Variants in FER1L5 observed in about 807,000 individuals in gnomAD.
FER1L5 encodes the protein fer-1-like protein 5.
FER1L5 carries 187 observed loss-of-function variants against 279.9 expected under a neutral mutation model. The ratio of observed to expected loss-of-function variants is 0.67; its 90% confidence interval spans 0.59 to 0.75. The LOEUF is 0.75. FER1L5 is among the 30% of genes least tolerant of loss of function. The pLI is 0.00. For synonymous variants in FER1L5, 921 were observed against 989.7 expected, an observed-to-expected ratio of 0.93 and a Z score of 1.30; for missense variants, 2,091 against 2,594.4, an observed-to-expected ratio of 0.81 and a Z score of 4.21.
intron 39 of FER1L5, 117 bp from the exon 40 acceptor site, chr2:96,697,920 G>A (rs2077443774): frequency 6.8e-6 from 10 of 1,469,452 alleles, no homozygotes; most frequent in Non-Finnish European, 8.2e-6. Flanking sequence ...ACACAGTGCT[G>A]GCCCCAGGGC....
At position 96,690,560 on chromosome 2, in the gene FER1L5, T is replaced by G; in HGVS notation, c.2714T>G (p.Val905Gly). 1 of 1,551,582 alleles carries G rather than the reference T, an allele frequency of 6.4e-7. No homozygotes were observed. The change falls in exon 27 of 53, where the codon GTG becomes GGG. Residue 905 changes from valine to glycine, a missense_variant. By Grantham distance (109) the Val-to-Gly change is moderately radical. Coordinates refer to ENST00000624922, the MANE Select transcript of FER1L5 (RefSeq NM_001293083.2). ...TGGCACTTTAAGAAGGACTGGGTGG[T>G]GGAGCTGAACCACGCAGTGGACAGT... Reference protein sequence around the residue: ...QGWHFKKDWVVELNHAVDSKG... With the variant: ...QGWHFKKDWVGELNHAVDSKG...
intron 5 of FER1L5, 108 bp from the exon 6 acceptor site, chr2:96,650,072 C>T (rs1296688086): frequency 2.3e-6 from 2 of 857,832 alleles, no homozygotes; most frequent in East Asian, 2.7e-5. Context: ...CTTGGCCATG[C>T]TTTTAGTCAG....
intron 17 of FER1L5, 148 bp downstream of exon 17, chr2:96,669,285 C>A: frequency 1.4e-6 from 1 of 735,108 alleles, no homozygotes; most frequent in Non-Finnish European, 2.2e-6. Flanking sequence ...CATGAGCAGC[C>A]ACGTGCATGT....
intron 9 of FER1L5, among the ~76,000 whole-genome samples, chr2:96,657,110 T>C (rs1048978923): frequency 3.4e-4 from 51 of 151,522 alleles, no homozygotes; most frequent in Non-Finnish European, 5.9e-4. Flanking sequence ...AGTCTTGCTC[T>C]GTCACCCAGG....
In FER1L5 at chr2:96,689,203, C is replaced by T. The variant is rs1204980181; in HGVS notation, c.2362-10C>T. ...GGAGGCGGCCGCCCTGACAAGCTTC[C>T]CTCCCCTAGTATGAGAATCAGGCCA... On this transcript the variant is annotated splice_polypyrimidine_tract_variant and intron_variant, in intron 24 of 52. Coordinates refer to ENST00000624922, the MANE Select transcript of FER1L5 (RefSeq NM_001293083.2). The surrounding 1 kb of genome is among the most constrained non-coding windows in gnomAD (Gnocchi z 4.6). The T allele has an allele frequency of 1.3e-6, 2 of 1,549,288 alleles. No individual in the cohort carries two copies. Among genetic ancestry groups the T allele is most frequent in the Admixed American group, 2.0e-5 (1 of 50,658 alleles).
rs982241884 is a variant in FER1L5 at position 96,684,228 on chromosome 2, G to A, written c.1670-99G>A. 4.6e-5 allele frequency: 66 copies of A among 1,439,412 alleles called. 1 individual carries two copies. The South Asian group carries it at 8.3e-4, about 18-fold the overall frequency. The allele number at this position is 1,439,412 out of a possible 1,614,324, so 89.2% of individuals were successfully genotyped here. On this transcript the variant is annotated intron_variant, in intron 19 of 52. Coordinates refer to ENST00000624922, the MANE Select transcript of FER1L5 (RefSeq NM_001293083.2). Reference sequence around the variant, plus strand: ...TTGTTAGCAGGTCACATCTTTGAGGGTGCAGTGGTCCAGAGAGGTCCTCGG... The same window carrying A: ...TTGTTAGCAGGTCACATCTTTGAGGATGCAGTGGTCCAGAGAGGTCCTCGG...
At chr2:96,681,714 A>C (rs2106633736) in intron 19 of FER1L5, among the ~76,000 whole-genome samples, 1 of 152,162 alleles carries the variant, frequency 6.6e-6, no homozygotes, top group South Asian at 2.1e-4. Flanking sequence ...GTATTATTCT[A>C]TTGTGTGAAC....
intron 18 of FER1L5, among the ~76,000 whole-genome samples, chr2:96,671,106 CAAAAAAAAAAA>C (rs750341048): frequency 7.5e-5 from 3 of 40,222 alleles, no homozygotes; most frequent in African/African-American, 2.7e-4. Context: ...GACTCCATCT[CAAAAAAAAAAA>C]AAAAAAAAAA....
At chr2:96,652,534 T>C (rs1435247593) in intron 7 of FER1L5, 1 of 157,018 alleles carries the variant, frequency 6.4e-6, no homozygotes, top group South Asian at 1.9e-4. Flanking sequence ...AGGAAGATTT[T>C]ACCAGGGAAA....
Position 96,698,309 on chromosome 2 carries a change from C to T in FER1L5, c.4356+153C>T, listed in dbSNP as rs2077458581. 6.6e-6 allele frequency among the ~76,000 whole-genome samples: 1 copy of T among 152,192 alleles called. No individual in the cohort carries two copies. Among genetic ancestry groups the T allele is most frequent in the African/African-American group, 2.4e-5 (1 of 41,446 alleles). On this transcript the variant is annotated intron_variant, in intron 40 of 52. Transcript: ENST00000624922. This position sits in a 1 kb window ranked among gnomAD's most constrained non-coding sequence, Gnocchi z 5.5. ...GTGGAGGAGCAGAGATTCGCCTCCACAGGAACTCGGGGAGCGCTCCCCTTC... is the reference window on the plus strand; with the variant it reads ...GTGGAGGAGCAGAGATTCGCCTCCATAGGAACTCGGGGAGCGCTCCCCTTC...
At chr2:96,676,662 C>G (rs1217924430) in intron 19 of FER1L5, among the ~76,000 whole-genome samples, 1 of 144,166 alleles carries the variant, frequency 6.9e-6, no homozygotes, top group Non-Finnish European at 1.5e-5. Context: ...TACATTCTAT[C>G]TATTGACAAT....
At chr2:96,646,959 A>T in intron 2 of FER1L5, 105 bp from the exon 3 acceptor site, 1 of 1,184,108 alleles carries the variant, frequency 8.4e-7, no homozygotes, top group Non-Finnish European at 1.2e-6. Context: ...CCTCAGTCTT[A>T]GAGAAATGCA....
rs2077302405 is a variant in FER1L5 at position 96,694,853 on chromosome 2, C to T, written c.3741+389C>T. On this transcript the variant is annotated intron_variant, in intron 34 of 52. Coordinates refer to ENST00000624922, the MANE Select transcript of FER1L5 (RefSeq NM_001293083.2). The surrounding 1 kb of genome is among the most constrained non-coding windows in gnomAD (Gnocchi z 4.6). ...CCCAGCCCTGTCTGACTGCAGATGC[C>T]AGGATGTTGCTCACCTCTCTTCTGA... 1.2e-5 allele frequency: 2 copies of T among 163,270 alleles called. No homozygotes were observed. The highest frequency in any genetic ancestry group is 4.8e-5 in the African/African-American group (2 of 41,928). 10.1% of individuals were successfully genotyped at this position (163,270 alleles called of 1,614,324 possible).
At chr2:96,700,691 T>G (rs996719975) in intron 45 of FER1L5, among the ~76,000 whole-genome samples, 3 of 152,194 alleles carry the variant, frequency 2.0e-5, no homozygotes. Flanking sequence ...AAAGGTCATC[T>G]ACAAGAAACA....
intron 24 of FER1L5, chr2:96,688,981 CT>C: frequency 3.9e-6 from 2 of 511,210 alleles, no homozygotes; most frequent in Admixed American, 3.8e-5. Context: ...TATGATATCT[CT>C]GTCCACACAT....
At chr2:96,669,190 TA>T in intron 17 of FER1L5, 53 bp downstream of exon 17, 1 of 1,507,916 alleles carries the variant, frequency 6.6e-7, no homozygotes, top group South Asian at 1.2e-5. Context: ...CTTCCCCATG[TA>T]AAGCACTAGG....
chr2:96,667,132 G>A (rs1299519592), intron 14 of FER1L5, among the ~76,000 whole-genome samples: 2 of 152,022 alleles, frequency 1.3e-5, no homozygotes, highest in African/African-American at 4.8e-5. Context: ...GTCCTCAAGG[G>A]GTTACAGCAG....
chr2:96,659,290 T>TTCCTTCCTTCCTTCCTTCA (rs1553449027), intron 9 of FER1L5, among the ~76,000 whole-genome samples: 1 of 80,942 alleles, frequency 1.2e-5, no homozygotes. Context: ...TTTATCAAGC[T>TTCCTTCCTTCCTTCCTTCA]TTCCTTCCTT....
intron 10 of FER1L5, among the ~76,000 whole-genome samples, 172 bp from the exon 11 acceptor site, chr2:96,661,153 C>T (rs1336978351): frequency 1.3e-5 from 2 of 152,302 alleles, no homozygotes; most frequent in South Asian, 2.1e-4. Context: ...CTTGTGAGCA[C>T]GCTATCATTG....
Sources: gnomAD v4.1 joint callset for allele counts (sites outside exome capture counted in the v4.1 genomes callset) on GRCh38, gnomAD v4.1.1 for gene constraint, Gnocchi (gnomAD v3.1) non-coding constraint, MANE v1.5 for transcripts, NCBI Gene and HGNC (gene_info 2026-07-23, HGNC 2026-07-21) for gene names.